The following ANGPT1 variants were observed in gnomAD, a reference collection of about 807,000 sequenced individuals.
ANGPT1 encodes angiopoietin 1.
ANGPT1 carries 17 observed loss-of-function variants against 62.2 expected under a neutral mutation model. That is an observed-to-expected ratio of 0.27 (90% CI 0.19 to 0.41). The LOEUF (loss-of-function observed/expected upper bound fraction) is 0.41, where lower values mean the gene tolerates loss of function less well. Among genes scored for constraint, ANGPT1 ranks in the 10% least tolerant of loss-of-function variants. The pLI, the probability that ANGPT1 is intolerant of heterozygous loss-of-function variation, is 1.00. For synonymous variants in ANGPT1, 199 were observed against 198.9 expected, an observed-to-expected ratio of 1.00 and a Z score of 0.00; for missense variants, 478 against 594.9, an observed-to-expected ratio of 0.80 and a Z score of 2.04.
At chr8:107,354,082 C>T (rs1768522678) in intron 1 of ANGPT1, among the ~76,000 whole-genome samples, 1 of 152,094 alleles carries the variant, frequency 6.6e-6, no homozygotes, top group African/African-American at 2.4e-5. Context: ...ATTCTTGTGG[C>T]TGCTGAAAGT....
chr8:107,259,257 A>G (rs564115796), intron 8 of ANGPT1, among the ~76,000 whole-genome samples: 1 of 152,272 alleles, frequency 6.6e-6, no homozygotes, highest in African/African-American at 2.4e-5. Context: ...TGCTAAGACA[A>G]TTATATTTTC....
At chr8:107,318,727 T>C (rs756684728) in intron 4 of ANGPT1, among the ~76,000 whole-genome samples, 48 of 152,124 alleles carry the variant, frequency 3.2e-4, no homozygotes, top group Non-Finnish European at 2.4e-4. Context: ...TAACTGTATA[T>C]ATTTTTGGAG....
At chr8:107,259,120 T>C (rs1813435368) in intron 8 of ANGPT1, among the ~76,000 whole-genome samples, 1 of 152,184 alleles carries the variant, frequency 6.6e-6, no homozygotes, top group East Asian at 1.9e-4. Flanking sequence ...AGTAGTGCAA[T>C]GTAGATTTCT....
At chr8:107,339,527 A>AT (rs1815649453) in intron 2 of ANGPT1, among the ~76,000 whole-genome samples, 1 of 152,058 alleles carries the variant, frequency 6.6e-6, no homozygotes, top group Admixed American at 6.6e-5. Flanking sequence ...CTTTCTGGCC[A>AT]CCTTCTTTAT....
At chr8:107,420,289 C>T (rs1242247715) in intron 1 of ANGPT1, among the ~76,000 whole-genome samples, 1 of 152,036 alleles carries the variant, frequency 6.6e-6, no homozygotes, top group Non-Finnish European at 1.5e-5. Context: ...AAGGAGTGAA[C>T]CTGTGCTTCA....
intron 1 of ANGPT1, among the ~76,000 whole-genome samples, chr8:107,406,825 T>G (rs1303160243): frequency 6.6e-6 from 1 of 151,202 alleles, no homozygotes; most frequent in East Asian, 1.9e-4. Flanking sequence ...TAAGTCATCA[T>G]CATGAATGTT....
At chr8:107,405,840 T>C (rs1051357932) in intron 1 of ANGPT1, among the ~76,000 whole-genome samples, 41 of 151,960 alleles carry the variant, frequency 2.7e-4, no homozygotes, top group African/African-American at 9.4e-4. Flanking sequence ...AATAAAACTG[T>C]AATAAATATC....
At chr8:107,389,024 C>T (rs1816785852) in intron 1 of ANGPT1, among the ~76,000 whole-genome samples, 2 of 152,136 alleles carry the variant, frequency 1.3e-5, no homozygotes, top group South Asian at 4.1e-4. Context: ...TTAAGATAGT[C>T]TCTGAGGATT....
At chr8:107,328,619 G>A (rs1199629974) in intron 3 of ANGPT1, among the ~76,000 whole-genome samples, 1 of 151,706 alleles carries the variant, frequency 6.6e-6, no homozygotes, top group South Asian at 2.1e-4. Context: ...ATTTAAAAAA[G>A]GATAAACAAT....
At chr8:107,414,452 T>C (rs928322710) in intron 1 of ANGPT1, among the ~76,000 whole-genome samples, 1 of 152,198 alleles carries the variant, frequency 6.6e-6, no homozygotes, top group Non-Finnish European at 1.5e-5. Flanking sequence ...CCTATAAATA[T>C]ATACACTTAT....
At chr8:107,478,172 A>G (rs1392601249) in intron 1 of ANGPT1, among the ~76,000 whole-genome samples, 3 of 151,178 alleles carry the variant, frequency 2.0e-5, no homozygotes, top group Non-Finnish European at 2.9e-5. Flanking sequence ...TATGGTCAAA[A>G]TTTCATGGAG....
intron 1 of ANGPT1, among the ~76,000 whole-genome samples, chr8:107,415,882 C>T (rs758951801): frequency 1.1e-4 from 16 of 152,064 alleles, no homozygotes; most frequent in East Asian, 1.9e-4. Context: ...TATAACGGAG[C>T]TATAAAAGTA....
chr8:107,437,244 T>C (rs1811357950), intron 1 of ANGPT1, among the ~76,000 whole-genome samples: 1 of 152,152 alleles, frequency 6.6e-6, no homozygotes, highest in South Asian at 2.1e-4. Context: ...CTTCTCATAC[T>C]CTCCCAAAGA....
chr8:107,280,686 G>A (rs760095377), intron 7 of ANGPT1, among the ~76,000 whole-genome samples: 1 of 152,200 alleles, frequency 6.6e-6, no homozygotes, highest in Non-Finnish European at 1.5e-5. Context: ...ATCCAGGTAG[G>A]TAAAGTTAGG....
intron 1 of ANGPT1, among the ~76,000 whole-genome samples, chr8:107,432,317 A>G (rs1232677843): frequency 6.6e-6 from 1 of 152,208 alleles, no homozygotes; most frequent in African/African-American, 2.4e-5. Flanking sequence ...TTTACTTTCC[A>G]GAGAATTTTC....
At chr8:107,339,151 C>T (rs1245439180) in intron 2 of ANGPT1, among the ~76,000 whole-genome samples, 2 of 152,188 alleles carry the variant, frequency 1.3e-5, no homozygotes, top group African/African-American at 4.8e-5. Context: ...GAGACCACTA[C>T]AGTTCCCAGT....
At chr8:107,387,719 A>T (rs1473396752) in intron 1 of ANGPT1, among the ~76,000 whole-genome samples, 1 of 152,018 alleles carries the variant, frequency 6.6e-6, no homozygotes, top group Non-Finnish European at 1.5e-5. Flanking sequence ...ATGTTGAAAG[A>T]ATTCAGATTC....
At chr8:107,363,449 T>A (rs1011405946) in intron 1 of ANGPT1, among the ~76,000 whole-genome samples, 5 of 152,170 alleles carry the variant, frequency 3.3e-5, no homozygotes, top group African/African-American at 1.2e-4. Context: ...CTGATTTATA[T>A]TTACGTGAGA....
rs544876764 is a variant in ANGPT1, at chr8:107,311,198, A to T, written c.809-7831T>A. Among the ~76,000 whole-genome samples, 5 of 152,098 alleles carry T rather than the reference A, an allele frequency of 3.3e-5. 1 individual carries two copies. The highest frequency in any genetic ancestry group is 2.1e-4 in the South Asian group (1 of 4,816). ...GTGTGAGGAAAAGACAGAAAATTTT[A>T]AAAAGTAGGCAAAACTAAGAAATGA... is the stretch of plus-strand genomic sequence containing the variant. On this transcript the variant is annotated intron_variant, in intron 4 of 8. Coordinates refer to ENST00000517746, the MANE Select transcript of ANGPT1 (RefSeq NM_001146.5).
Sources: gnomAD v4.1 joint callset for allele counts (sites outside exome capture counted in the v4.1 genomes callset) on GRCh38, gnomAD v4.1.1 for gene constraint, MANE v1.5 for transcripts, NCBI Gene and HGNC (gene_info 2026-07-23, HGNC 2026-07-21) for gene names.